XKR9: variants seen among roughly 807,000 people sequenced by gnomAD.
XKR9 encodes the protein XK-related protein 9.
In XKR9, 32 loss-of-function variants were observed where a neutral mutation model predicts 32.0. That is an observed-to-expected ratio of 1.00 (90% CI 0.76 to 1.34). XKR9 has a LOEUF of 1.34. XKR9 is among the 40% of genes most tolerant of loss of function. XKR9 has a pLI of 0.00. For missense variants in XKR9, 546 were observed against 429.7 expected (o/e 1.27, Z -2.39); for synonymous variants, 168 against 143.4 (o/e 1.17, Z -1.22).
At chr8:70,805,502 C>A in the XKR9 span, among the ~76,000 whole-genome samples, 10 of 152,220 alleles carry the variant, frequency 6.6e-5, no homozygotes, top group Non-Finnish European at 1.3e-4. Flanking sequence ...GCCTAACACG[C>A]TAAGCTCCCT....
intron 2 of XKR9, among the ~76,000 whole-genome samples, chr8:70,743,062 A>G (rs182072347): frequency 2.0e-5 from 3 of 151,960 alleles, no homozygotes; most frequent in Admixed American, 6.6e-5. Flanking sequence ...ACCTATTGAT[A>G]TTCTCCCACC....
the XKR9 span, among the ~76,000 whole-genome samples, chr8:70,953,682 A>T: frequency 6.6e-6 from 1 of 152,184 alleles, no homozygotes; most frequent in Non-Finnish European, 1.5e-5. Flanking sequence ...CTCTGTGAGT[A>T]GTCTTCCATC....
chr8:70,848,007 A>C, the XKR9 span, among the ~76,000 whole-genome samples: 1 of 152,072 alleles, frequency 6.6e-6, no homozygotes, highest in Non-Finnish European at 1.5e-5. Flanking sequence ...GGACAAGAAC[A>C]CACAAAAAAA....
chr8:70,937,376 G>A, the XKR9 span, among the ~76,000 whole-genome samples: 1 of 151,874 alleles, frequency 6.6e-6, no homozygotes, highest in African/African-American at 2.4e-5. Context: ...AGATTCATGT[G>A]GGCCCACCCA....
chr8:70,680,780 GGTCTT>G lies in XKR9; in HGVS notation c.-275_-271del, dbSNP rs1276669640. 1 of 218,258 alleles carries G rather than the reference GGTCTT, an allele frequency of 4.6e-6. No homozygotes were observed. Among genetic ancestry groups the G allele is most frequent in the Non-Finnish European group, 9.0e-6 (1 of 110,858 alleles). 13.5% of individuals were successfully genotyped at this position (218,258 alleles called of 1,614,324 possible). A position where few individuals can be genotyped will look rare whatever the true frequency, so the allele number is the denominator to read the frequency against. On this transcript the variant is annotated splice_region_variant and 5_prime_UTR_variant, in exon 3 of 5. Transcript: ENST00000408926. Reference sequence around the variant, plus strand: ...GAACTTAAATATCTGTTTTATTTTAGGTCTTGTCATCTGTAATGAAGATCATTGTG... The same window carrying G: ...GAACTTAAATATCTGTTTTATTTTAGGTCATCTGTAATGAAGATCATTGTG...
chr8:70,754,059 C>T (rs62532093), intron 2 of XKR9, among the ~76,000 whole-genome samples: 58,671 of 142,502 alleles, frequency 0.41, 14,573 homozygotes, highest in Non-Finnish European at 0.53. Flanking sequence ...TAAGCAACTT[C>T]GGCAAAGTCT....
At chr8:70,899,009 G>C in the XKR9 span, among the ~76,000 whole-genome samples, 2 of 152,116 alleles carry the variant, frequency 1.3e-5, no homozygotes, top group Non-Finnish European at 2.9e-5. Context: ...GACTTCCCAG[G>C]CTCAAGAGAT....
chr8:71,052,916 C>T, the XKR9 span, among the ~76,000 whole-genome samples: 4 of 152,318 alleles, frequency 2.6e-5, no homozygotes, highest in Non-Finnish European at 4.4e-5. Context: ...GAATCAGTAA[C>T]CCTGTCTCAG....
chr8:70,780,578 G>A (rs11988972), intron 2 of XKR9, among the ~76,000 whole-genome samples: 16,869 of 152,058 alleles, frequency 0.11, 1,103 homozygotes, highest in African/African-American at 0.18. Flanking sequence ...AAAACCCCTA[G>A]AAGCTTGAAG....
At chr8:71,047,007 C>T in the XKR9 span, among the ~76,000 whole-genome samples, 1 of 152,160 alleles carries the variant, frequency 6.6e-6, no homozygotes, top group Admixed American at 6.6e-5. Context: ...TGGGATTTAC[C>T]ACAAATATGA....
the XKR9 span, among the ~76,000 whole-genome samples, chr8:70,931,252 G>A: frequency 6.6e-6 from 1 of 152,102 alleles, no homozygotes. Context: ...TCTGTACACA[G>A]GAAGAGCTCC....
intron 4 of XKR9, among the ~76,000 whole-genome samples, chr8:70,717,108 C>T (rs564298005): frequency 6.6e-6 from 1 of 152,210 alleles, no homozygotes. Context: ...GGCAGCTCTG[C>T]CCCTGTGGCT....
the XKR9 span, among the ~76,000 whole-genome samples, chr8:70,994,412 G>A: frequency 2.0e-5 from 3 of 151,888 alleles, no homozygotes; most frequent in African/African-American, 4.8e-5. Flanking sequence ...TTTTCTTTTA[G>A]CACTTTAAAT....
chr8:70,958,864 A>T, the XKR9 span, among the ~76,000 whole-genome samples: 11 of 152,180 alleles, frequency 7.2e-5, no homozygotes, highest in Admixed American at 7.2e-4. Context: ...AAATGAAGAC[A>T]ATAAAAGTAC....
At chr8:70,821,559 C>G in the XKR9 span, among the ~76,000 whole-genome samples, 1 of 152,224 alleles carries the variant, frequency 6.6e-6, no homozygotes, top group Non-Finnish European at 1.5e-5. Flanking sequence ...CCCACCCCTA[C>G]AGCAAACTTC....
chr8:70,799,592 A>G, the XKR9 span, among the ~76,000 whole-genome samples: 4 of 152,146 alleles, frequency 2.6e-5, no homozygotes, highest in African/African-American at 9.7e-5. Flanking sequence ...TCAGCCTCCC[A>G]AAGTGCTGGA....
At chr8:70,723,668 C>T (rs1806357867) in intron 4 of XKR9, among the ~76,000 whole-genome samples, 1 of 152,164 alleles carries the variant, frequency 6.6e-6, no homozygotes, top group Non-Finnish European at 1.5e-5. Flanking sequence ...AAGATTGCTG[C>T]CTGCTCCTTC....
chr8:70,687,157 A>G (rs1819309409), intron 3 of XKR9, among the ~76,000 whole-genome samples: 1 of 152,022 alleles, frequency 6.6e-6, no homozygotes, highest in Non-Finnish European at 1.5e-5. Flanking sequence ...CTCTATCTCC[A>G]TGAGTTTGTT....
chr8:70,921,587 A>G, the XKR9 span, among the ~76,000 whole-genome samples: 5 of 152,196 alleles, frequency 3.3e-5, no homozygotes, highest in African/African-American at 9.7e-5. Flanking sequence ...AGTTTCTCCC[A>G]CAGGTACTTT....
Sources: allele counts gnomAD v4.1 joint callset (sites outside exome capture counted in the v4.1 genomes callset), GRCh38; gene constraint gnomAD v4.1.1; transcripts MANE v1.5; gene names NCBI Gene and HGNC (gene_info 2026-07-23, HGNC 2026-07-21).